The following WWOX variants were observed in gnomAD, a reference collection of about 807,000 sequenced individuals.
WWOX encodes WW domain-containing oxidoreductase.
Under a neutral mutation model 46.2 loss-of-function variants are expected in WWOX, and 69 were observed. That is an observed-to-expected ratio of 1.49 (90% CI 1.23 to 1.82). The LOEUF is 1.82. Ranked by LOEUF, WWOX falls within the 40% of genes most tolerant of loss-of-function variation. The pLI is 0.00. For synonymous variants in WWOX, 359 were observed against 202.6 expected (o/e 1.77, Z -6.56); for missense variants, 919 against 542.6 (o/e 1.69, Z -6.89).
chr16:78,354,367 G>T (rs2081243173), intron 5 of WWOX, among the ~76,000 whole-genome samples: 2 of 120,420 alleles, frequency 1.7e-5, no homozygotes, highest in African/African-American at 3.4e-5. Flanking sequence ...CATAGACTTT[G>T]CACATATTGT....
chr16:78,999,465 C>A (rs1290581293), intron 8 of WWOX, among the ~76,000 whole-genome samples: 1 of 152,036 alleles, frequency 6.6e-6, no homozygotes, highest in South Asian at 2.1e-4. Flanking sequence ...AGCGAAACTC[C>A]TTCTCAAGAA....
chr16:78,220,205 C>T lies in WWOX; in HGVS notation c.516+55916C>T, dbSNP rs371853088. ...TGATAGTTTCTTGAGTTGGAAATTG[C>T]GTTTCTTTGGCCTCCCATGTGGGTA... On this transcript the variant is annotated intron_variant, in intron 5 of 8. Coordinates refer to ENST00000566780, the MANE Select transcript of WWOX (RefSeq NM_016373.4). Among the ~76,000 whole-genome samples the T allele has an allele frequency of 2.7e-3, 405 of 152,214 alleles. 1 individual carries two copies. Among genetic ancestry groups the T allele is most frequent in the African/African-American group, 9.2e-3 (384 of 41,520 alleles).
At chr16:79,038,834 G>A (rs866552108) in intron 8 of WWOX, among the ~76,000 whole-genome samples, 55 of 152,268 alleles carry the variant, frequency 3.6e-4, no homozygotes, top group African/African-American at 1.3e-3. Context: ...ACAAGCATGA[G>A]CCACTGTGCC....
intron 5 of WWOX, among the ~76,000 whole-genome samples, chr16:78,325,112 C>T (rs777404414): frequency 2.6e-5 from 4 of 152,248 alleles, no homozygotes; most frequent in East Asian, 1.9e-4. Context: ...GTGTTGGTCC[C>T]GTCACAGGGC....
rs759326046 is a variant in WWOX, at chr16:79,082,608, C to A, written c.1057-129000C>A. Among the ~76,000 whole-genome samples the A allele has an allele frequency of 2.6e-5, 4 of 152,228 alleles. No individual in the cohort carries two copies. The South Asian group carries it at 8.3e-4, about 32-fold the overall frequency. On this transcript the variant is annotated intron_variant, in intron 8 of 8. Coordinates refer to ENST00000566780, the MANE Select transcript of WWOX (RefSeq NM_016373.4). ...TGAAACACAGCCCGCCAGAAAGTCG[C>A]GAGTGTTTTGATTTCATCCTATACC...
chr16:78,826,984 C>A (rs1450976856), intron 8 of WWOX, among the ~76,000 whole-genome samples: 1 of 152,152 alleles, frequency 6.6e-6, no homozygotes, highest in Admixed American at 6.5e-5. Flanking sequence ...GAGGACTAAC[C>A]AGCCGGGTTT....
At chr16:78,196,938 C>T (rs2036072395) in intron 5 of WWOX, among the ~76,000 whole-genome samples, 1 of 152,226 alleles carries the variant, frequency 6.6e-6, no homozygotes, top group Non-Finnish European at 1.5e-5. Context: ...ACATGATTCT[C>T]ATCTCCTTGT....
chr16:78,777,283 A>C (rs1043440231), intron 8 of WWOX, among the ~76,000 whole-genome samples: 2 of 152,164 alleles, frequency 1.3e-5, no homozygotes, highest in African/African-American at 4.8e-5. Context: ...ATGCCATCCA[A>C]CAGGAATTTG....
At chr16:78,537,711 T>C (rs928102114) in intron 8 of WWOX, among the ~76,000 whole-genome samples, 2 of 152,082 alleles carry the variant, frequency 1.3e-5, no homozygotes, top group African/African-American at 4.8e-5. Context: ...CCACAGTTCA[T>C]GTAGGGGTAG....
intron 8 of WWOX, among the ~76,000 whole-genome samples, chr16:79,133,535 G>A (rs2049923576): frequency 6.6e-6 from 1 of 152,194 alleles, no homozygotes; most frequent in Admixed American, 6.5e-5. Flanking sequence ...GTCCTTAAAT[G>A]TTCTTTTCTT....
At chr16:78,785,462 G>GA (rs1225180714) in intron 8 of WWOX, among the ~76,000 whole-genome samples, 1 of 152,116 alleles carries the variant, frequency 6.6e-6, no homozygotes, top group Admixed American at 6.5e-5. Flanking sequence ...CTGGCTCTCT[G>GA]AAAAACAAAC....
chr16:78,584,854 G>A (rs774755084), intron 8 of WWOX, among the ~76,000 whole-genome samples: 3 of 152,326 alleles, frequency 2.0e-5, no homozygotes, highest in African/African-American at 4.8e-5. Flanking sequence ...ATTTGTGCAC[G>A]TCGGTGCGTG....
intron 8 of WWOX, among the ~76,000 whole-genome samples, chr16:78,610,389 G>C (rs1208731820): frequency 6.6e-6 from 1 of 152,088 alleles, no homozygotes; most frequent in African/African-American, 2.4e-5. Flanking sequence ...TATACTAAAG[G>C]AGATAACTAT....
intron 8 of WWOX, among the ~76,000 whole-genome samples, chr16:78,712,978 G>C (rs909465636): frequency 1.3e-5 from 2 of 152,000 alleles, no homozygotes; most frequent in African/African-American, 4.8e-5. Context: ...GTTAGAAATA[G>C]CTAGTATCAG....
At chr16:78,979,631 G>A (rs2046642212) in intron 8 of WWOX, among the ~76,000 whole-genome samples, 1 of 152,100 alleles carries the variant, frequency 6.6e-6, no homozygotes, top group South Asian at 2.1e-4. Flanking sequence ...CTCTTGAAAG[G>A]ATCTTGTTAC....
rs147297732 is a variant in WWOX, at chr16:78,217,411, CT to C, written c.516+53125del. On this transcript the variant is annotated intron_variant, in intron 5 of 8. Transcript: ENST00000566780. ...GCTAAAGATATAAAGTAGAAATAGCCTTTGTGTGATGTGAGCAGCAGAACAA... is the reference window on the plus strand; with the variant it reads ...GCTAAAGATATAAAGTAGAAATAGCCTTGTGTGATGTGAGCAGCAGAACAA... Among the ~76,000 whole-genome samples, 422 of 152,224 alleles carry C rather than the reference CT, an allele frequency of 2.8e-3. 2 individuals are homozygous for C. The highest frequency in any genetic ancestry group is 9.9e-3 in the African/African-American group (413 of 41,528).
intron 5 of WWOX, among the ~76,000 whole-genome samples, chr16:78,276,842 C>G (rs2079587496): frequency 6.6e-6 from 1 of 152,268 alleles, no homozygotes; most frequent in South Asian, 2.1e-4. Context: ...CTCTCCTTGT[C>G]CCCATTTTTC....
chr16:78,487,803 C>T (rs1164193186), intron 8 of WWOX, among the ~76,000 whole-genome samples: 1 of 152,154 alleles, frequency 6.6e-6, no homozygotes, highest in Non-Finnish European at 1.5e-5. Context: ...CTTACTGCAT[C>T]ATTGTTTTTA....
chr16:78,779,285 C>T (rs1346709154), intron 8 of WWOX, among the ~76,000 whole-genome samples: 3 of 152,172 alleles, frequency 2.0e-5, no homozygotes, highest in Non-Finnish European at 4.4e-5. Flanking sequence ...GCTGGGACTA[C>T]AGGTGCATGC....
Sources: gnomAD v4.1 joint callset for allele counts (sites outside exome capture counted in the v4.1 genomes callset) on GRCh38, gnomAD v4.1.1 for gene constraint, MANE v1.5 for transcripts, NCBI Gene and HGNC (gene_info 2026-07-23, HGNC 2026-07-21) for gene names.